Variants in NTN4 observed in about 807,000 individuals in gnomAD.
NTN4 encodes netrin-4.
A neutral mutation model predicts 73.6 loss-of-function variants in NTN4; 32 were observed. The observed-to-expected ratio is 0.44, with a 90% CI of 0.33 to 0.58. The LOEUF (loss-of-function observed/expected upper bound fraction) is 0.58, where lower values mean the gene tolerates loss of function less well. Among genes scored for constraint, NTN4 ranks in the 20% least tolerant of loss-of-function variants. The probability of loss-of-function intolerance (pLI) is 0.04; values close to 1 mark genes in which losing one functional copy is unlikely to be tolerated. For missense variants in NTN4, 654 were observed against 798.3 expected (o/e 0.82, Z 2.18); for synonymous variants, 258 against 287.5 (o/e 0.90, Z 1.04).
chr12:95,672,682 G>A, intron 7 of NTN4: 2 of 1,461,738 alleles, frequency 1.4e-6, no homozygotes, highest in Non-Finnish European at 1.9e-6. Context: ...CACCCTGCTG[G>A]AGCCTGACCA....
At position 95,670,091 on chromosome 12, in the gene NTN4, C is replaced by A; in HGVS notation, c.1566G>T (p.Met522Ile). The A allele has an allele frequency of 1.9e-6, 3 of 1,590,860 alleles. No homozygotes were observed. Among genetic ancestry groups the A allele is most frequent in the Non-Finnish European group, 2.6e-6 (3 of 1,165,764 alleles). The change falls in exon 8 of 10, where the codon ATG becomes ATT. Residue 522 changes from methionine to isoleucine, a missense_variant. Met to Ile is a conservative substitution (Grantham distance 10). Transcript: ENST00000343702. ...TTTCAGACTCACCATATGAATATTT[C>A]ATTCCACAGAATGCCTTGGCATTTC... ...TLGNAKAFCG[M>I]KYSYVLKIKI...
At chr12:95,709,510 T>C (rs1274300414) in intron 5 of NTN4, among the ~76,000 whole-genome samples, 1 of 151,768 alleles carries the variant, frequency 6.6e-6, no homozygotes, top group Non-Finnish European at 1.5e-5. Context: ...TTTTCTTTCC[T>C]TTCCTTCCTT....
intron 5 of NTN4, among the ~76,000 whole-genome samples, chr12:95,703,273 T>C (rs776162547): frequency 2.0e-5 from 3 of 152,190 alleles, no homozygotes; most frequent in Non-Finnish European, 4.4e-5. Context: ...CTAGTTAATA[T>C]TATGTTTATG....
At chr12:95,670,952 TTATGTATGTATGTATG>T (rs10534793) in intron 7 of NTN4, 42 of 148,944 alleles carry the variant, frequency 2.8e-4, no homozygotes, top group African/African-American at 6.2e-4. Flanking sequence ...ATAGTTTATT[TTATGTATGTATGTATG>T]TATGTATGTA....
intron 2 of NTN4, among the ~76,000 whole-genome samples, chr12:95,751,818 A>G (rs12317285): frequency 0.81 from 65,070 of 80,700 alleles, 27,056 homozygotes; most frequent in South Asian, 0.88. Flanking sequence ...CATAACTGTT[A>G]TGGGTATTGA....
At chr12:95,698,867 T>A (rs900000922) in intron 5 of NTN4, among the ~76,000 whole-genome samples, 9 of 145,640 alleles carry the variant, frequency 6.2e-5, no homozygotes, top group Non-Finnish European at 7.7e-5. Flanking sequence ...AAAAAAAAAA[T>A]AAAATAAAAA....
chr12:95,665,630 G>T, intron 9 of NTN4, 180 bp downstream of exon 9: 1 of 492,498 alleles, frequency 2.0e-6, no homozygotes. Context: ...GCACATGGAA[G>T]AGAAATAATT....
chr12:95,683,701 G>A lies in NTN4; in HGVS notation c.1191C>T (p.Cys397=), dbSNP rs1360566947. 1.2e-6 allele frequency: 2 copies of A among 1,604,398 alleles called. No homozygotes were observed. The highest frequency in any genetic ancestry group is 1.7e-5 in the Admixed American group (1 of 58,568). Residue 397 remains cysteine (C), a synonymous_variant, in exon 6 of 10, where the codon TGC becomes TGT. Coordinates refer to ENST00000343702, the MANE Select transcript of NTN4 (RefSeq NM_021229.4). ...SAPDACKPCS[C]HPVGSAVLPA... Reference sequence around the variant, plus strand: ...GAAGGACAGCTGATCCTACTGGATGGCAGGAACACGCTACAACAGAGAGGA... The same window carrying A: ...GAAGGACAGCTGATCCTACTGGATGACAGGAACACGCTACAACAGAGAGGA...
intron 5 of NTN4, among the ~76,000 whole-genome samples, chr12:95,694,028 T>C (rs1411151288): frequency 1.3e-5 from 2 of 152,154 alleles, no homozygotes; most frequent in African/African-American, 2.4e-5. Context: ...TATTCCCACC[T>C]TCCACTAGAA....
chr12:95,738,985 TTATAA>T (rs1453618825), intron 2 of NTN4, among the ~76,000 whole-genome samples: 4 of 152,178 alleles, frequency 2.6e-5, no homozygotes, highest in Non-Finnish European at 5.9e-5. Flanking sequence ...TGCAAGGTCC[TTATAA>T]TGGCTCTGCC....
intron 3 of NTN4, among the ~76,000 whole-genome samples, chr12:95,725,390 G>C (rs543123320): frequency 6.6e-6 from 1 of 152,050 alleles, no homozygotes; most frequent in Non-Finnish European, 1.5e-5. Context: ...ATGCTGTAAG[G>C]ATTATTAAGT....
At chr12:95,724,622 A>G (rs2078677606) in intron 3 of NTN4, among the ~76,000 whole-genome samples, 1 of 152,226 alleles carries the variant, frequency 6.6e-6, no homozygotes, top group Non-Finnish European at 1.5e-5. Context: ...CTGCAAATAT[A>G]GAGCAAAAGA....
At chr12:95,761,756 G>A (rs1342835672) in intron 2 of NTN4, among the ~76,000 whole-genome samples, 1 of 152,082 alleles carries the variant, frequency 6.6e-6, no homozygotes, top group Non-Finnish European at 1.5e-5. Flanking sequence ...ACATAGTTGT[G>A]AGCACCCAGA....
chr12:95,696,146 C>G (rs1323269422), intron 5 of NTN4, among the ~76,000 whole-genome samples: 1 of 152,178 alleles, frequency 6.6e-6, no homozygotes, highest in African/African-American at 2.4e-5. Context: ...ACAAACCTAA[C>G]TGTGTCTATC....
chr12:95,669,339 T>C (rs2078208420), intron 8 of NTN4, among the ~76,000 whole-genome samples: 1 of 152,160 alleles, frequency 6.6e-6, no homozygotes, highest in African/African-American at 2.4e-5. Flanking sequence ...GCCATTTCCC[T>C]TTTTGTACAG....
intron 2 of NTN4, among the ~76,000 whole-genome samples, chr12:95,779,344 A>C (rs1250663383): frequency 6.6e-6 from 1 of 152,224 alleles, no homozygotes; most frequent in African/African-American, 2.4e-5. Context: ...AAGCGTATTC[A>C]ATTAGGAAAA....
chr12:95,689,386 CTAAT>C (rs889719908), intron 5 of NTN4, among the ~76,000 whole-genome samples: 2 of 152,178 alleles, frequency 1.3e-5, no homozygotes, highest in African/African-American at 2.4e-5. Context: ...AGCCCTTGTT[CTAAT>C]TAATTAGGAC....
chr12:95,759,501 T>C (rs2078970873), intron 2 of NTN4, among the ~76,000 whole-genome samples: 1 of 151,192 alleles, frequency 6.6e-6, no homozygotes, highest in Non-Finnish European at 1.5e-5. Flanking sequence ...GTTTTTTTTT[T>C]TTTTTGAGAT....
intron 2 of NTN4, among the ~76,000 whole-genome samples, chr12:95,750,314 T>C (rs1057058758): frequency 2.6e-5 from 4 of 152,042 alleles, no homozygotes; most frequent in African/African-American, 7.2e-5. Context: ...CTCTACTCTC[T>C]CTTTTCTCTA....
Sources: gnomAD v4.1 joint callset for allele counts (sites outside exome capture counted in the v4.1 genomes callset) on GRCh38, gnomAD v4.1.1 for gene constraint, MANE v1.5 for transcripts, NCBI Gene and HGNC (gene_info 2026-07-23, HGNC 2026-07-21) for gene names.